Variants in FRMPD4 observed in about 807,000 individuals in gnomAD.
The protein encoded by FRMPD4 is FERM and PDZ domain-containing protein 4.
Under a neutral mutation model 94.1 loss-of-function variants are expected in FRMPD4, and 22 were observed. The ratio of observed to expected loss-of-function variants is 0.23; its 90% confidence interval spans 0.17 to 0.33. FRMPD4 has a LOEUF of 0.33. FRMPD4 is among the 10% of genes least tolerant of loss of function. The pLI is 1.00. For missense variants in FRMPD4, 1,111 were observed against 1,339.9 expected (o/e 0.83, Z 2.67); for synonymous variants, 631 against 548.6 (o/e 1.15, Z -2.10).
At chrX:11,874,182 G>C (rs777964330) in intron 2 of FRMPD4, among the ~76,000 whole-genome samples, 1 of 112,134 alleles carries the variant, frequency 8.9e-6, no homozygotes, top group Non-Finnish European at 1.9e-5. Context: ...ACAGGGTCTC[G>C]CTCTGTTACT....
intron 4 of FRMPD4, among the ~76,000 whole-genome samples, chrX:12,619,509 G>A (rs767189612): frequency 9.0e-6 from 1 of 111,198 alleles, no homozygotes; most frequent in Non-Finnish European, 1.9e-5. Flanking sequence ...GACTGAGGAG[G>A]GCCATTTTGA....
At chrX:12,325,076 A>G (rs993432194) in intron 1 of FRMPD4, among the ~76,000 whole-genome samples, 2 of 112,739 alleles carry the variant, frequency 1.8e-5, no homozygotes, top group African/African-American at 6.4e-5. Flanking sequence ...AGTATTTTAA[A>G]TGAACCCAAC....
chrX:11,839,329 A>G (rs1372349260), intron 1 of FRMPD4, among the ~76,000 whole-genome samples: 1 of 111,234 alleles, frequency 9.0e-6, no homozygotes, highest in Non-Finnish European at 1.9e-5. Context: ...TGTGGTTTTT[A>G]TTTGCGTTTC....
upstream of FRMPD4, among the ~76,000 whole-genome samples, chrX:12,137,400 TA>T (rs2055611262): frequency 8.9e-6 from 1 of 112,633 alleles, no homozygotes; most frequent in Admixed American, 9.4e-5. Context: ...GTGGGAACTT[TA>T]AACCTATTTC....
At chrX:12,191,655 C>T (rs958250222) in intron 1 of FRMPD4, among the ~76,000 whole-genome samples, 5 of 111,394 alleles carry the variant, frequency 4.5e-5, no homozygotes, top group East Asian at 5.7e-4. Flanking sequence ...GGCTATAATA[C>T]TGTGTGATTT....
At chrX:12,498,124 C>T (rs2057872446) in intron 1 of FRMPD4, among the ~76,000 whole-genome samples, 1 of 111,664 alleles carries the variant, frequency 9.0e-6, no homozygotes, top group Non-Finnish European at 1.9e-5. Context: ...TGGTGCCAGC[C>T]TGGGATTTGG....
chrX:12,277,891 G>A (rs1031371352), intron 1 of FRMPD4, among the ~76,000 whole-genome samples: 4 of 112,181 alleles, frequency 3.6e-5, no homozygotes, highest in African/African-American at 1.3e-4. Context: ...GACAGCACAG[G>A]TATGAAACTT....
At chrX:12,032,875 C>A (rs764407103) in intron 3 of FRMPD4, among the ~76,000 whole-genome samples, 1 of 112,326 alleles carries the variant, frequency 8.9e-6, no homozygotes, top group East Asian at 2.8e-4. Flanking sequence ...ATAAATTCAT[C>A]TAAGATAATT....
intron 1 of FRMPD4, among the ~76,000 whole-genome samples, chrX:12,254,391 G>A (rs901869594): frequency 1.8e-5 from 2 of 111,877 alleles, no homozygotes; most frequent in Non-Finnish European, 3.8e-5. Flanking sequence ...GAATATATTG[G>A]TATAACCTGG....
intron 1 of FRMPD4, among the ~76,000 whole-genome samples, chrX:12,216,260 G>A (rs758912148): frequency 4.8e-4 from 53 of 111,372 alleles, no homozygotes; most frequent in Non-Finnish European, 8.7e-4. Context: ...GGGCTTTTCA[G>A]GCATCGCTTC....
intron 3 of FRMPD4, among the ~76,000 whole-genome samples, chrX:11,959,512 CA>C (rs759645695): frequency 2.9e-4 from 33 of 112,144 alleles, no homozygotes; most frequent in Non-Finnish European, 5.1e-4. Context: ...AAGCAGAGGA[CA>C]TGAAACTCCT....
chrX:12,123,123 CTTTTTTT>C (rs58251577), intron 3 of FRMPD4, among the ~76,000 whole-genome samples: 1 of 84,332 alleles, frequency 1.2e-5, no homozygotes, highest in Non-Finnish European at 2.3e-5. Flanking sequence ...ATTTTCTTTT[CTTTTTTT>C]TTTTTTTTTT....
intron 14 of FRMPD4, among the ~76,000 whole-genome samples, chrX:12,714,759 C>G (rs923128218): frequency 6.3e-5 from 7 of 111,898 alleles, no homozygotes; most frequent in East Asian, 5.6e-4. Context: ...CTCACACACA[C>G]ACTTCCCCCC....
chrX:12,420,778 C>T (rs945074010), intron 1 of FRMPD4, among the ~76,000 whole-genome samples: 1 of 112,603 alleles, frequency 8.9e-6, no homozygotes. Flanking sequence ...CATGTAACCG[C>T]ATGTTTGATG....
At chrX:11,967,756 G>GTTTTTTTTTTTT (rs11431796) in intron 3 of FRMPD4, among the ~76,000 whole-genome samples, 41 of 65,556 alleles carry the variant, frequency 6.3e-4, no homozygotes, top group African/African-American at 2.1e-3. Flanking sequence ...GTGTGTGTGT[G>GTTTTTTTTTTTT]TTTTTTTTTT....
At chrX:12,654,353 T>G (rs1306883725) in intron 4 of FRMPD4, among the ~76,000 whole-genome samples, 1 of 111,735 alleles carries the variant, frequency 8.9e-6, no homozygotes, top group Non-Finnish European at 1.9e-5. Flanking sequence ...AGGTAGGTAG[T>G]GCTCATATAT....
intron 1 of FRMPD4, among the ~76,000 whole-genome samples, chrX:12,485,205 C>T (rs2066268999): frequency 8.9e-6 from 1 of 112,539 alleles, no homozygotes; most frequent in Admixed American, 9.3e-5. Context: ...ATGATTCTAA[C>T]AGGATGTGTA....
chrX:12,706,942 G>GT, intron 12 of FRMPD4, 27 bp downstream of exon 12: 1 of 325,377 alleles, frequency 3.1e-6, no homozygotes, highest in Non-Finnish European at 4.3e-6. Context: ...TTTTTTTTTT[G>GT]CTTTCTCTTG....
intron 3 of FRMPD4, among the ~76,000 whole-genome samples, chrX:11,910,380 G>A (rs947117932): frequency 5.4e-5 from 6 of 111,623 alleles, no homozygotes; most frequent in South Asian, 3.7e-4. Context: ...ATATAAACAC[G>A]AACAAAATAA....
Sources: allele counts gnomAD v4.1 joint callset (sites outside exome capture counted in the v4.1 genomes callset), GRCh38; gene constraint gnomAD v4.1.1; transcripts MANE v1.5; gene names NCBI Gene and HGNC (gene_info 2026-07-23, HGNC 2026-07-21).